Variants in PADI3 observed in about 807,000 individuals in gnomAD.
PADI3 encodes the protein peptidyl arginine deiminase 3, also known as protein-arginine deiminase type-3.
A neutral mutation model predicts 71.5 loss-of-function variants in PADI3; 53 were observed. The observed-to-expected ratio is 0.74, with a 90% CI of 0.59 to 0.93. The LOEUF is 0.93. Among genes scored for constraint, PADI3 ranks in the 40% least tolerant of loss-of-function variants. The probability of loss-of-function intolerance (pLI) is 0.00; values close to 1 mark genes in which losing one functional copy is unlikely to be tolerated. For synonymous variants in PADI3, 361 were observed against 347.5 expected, an observed-to-expected ratio of 1.04 and a Z score of -0.43; for missense variants, 821 against 868.0, an observed-to-expected ratio of 0.95 and a Z score of 0.68.
At chr1:17,267,367 C>T (rs1368680582) in intron 5 of PADI3, among the ~76,000 whole-genome samples, 1 of 152,192 alleles carries the variant, frequency 6.6e-6, no homozygotes, top group East Asian at 1.9e-4. Context: ...ATTCCAGCCC[C>T]ATGGAGAATG....
In PADI3 at chr1:17,265,690, G is replaced by T. The variant is rs12032160; in HGVS notation, c.378G>T (p.Glu126Asp). Residue 126 changes from glutamate to aspartate, a missense_variant, in exon 4 of 16, where the codon GAG (glutamate) becomes GAT (aspartate). By Grantham distance (45) the Glu-to-Asp change is conservative. Coordinates refer to ENST00000375460, the MANE Select transcript of PADI3 (RefSeq NM_016233.2). ...DISLDCDLNC[E>D]GRQDRNFVDK... ...CTCTGGATTGCGACCTGAACTGTGA[G>T]GGAAGGCAGGACAGGAACTTTGTAG... The T allele has an allele frequency of 1.2e-6, 2 of 1,614,192 alleles. No individual in the cohort carries two copies. Among genetic ancestry groups the T allele is most frequent in the South Asian group, 2.2e-5 (2 of 91,084 alleles).
chr1:17,276,540 C>A lies in PADI3; in HGVS notation c.1329C>A (p.Thr443=). 6.2e-7 allele frequency: 1 copy of A among 1,614,084 alleles called. No homozygotes were observed. Among genetic ancestry groups the A allele is most frequent in the Non-Finnish European group, 8.5e-7 (1 of 1,180,016 alleles). ...NLPGSSGRRV[T]QVVRDFLHAQ... is the part of the protein sequence containing the mutation. Reference sequence around the variant, plus strand: ...CCAGGTCAAGTGGCCGCAGGGTCACCCAGGTGGTGCGGGACTTCCTCCATG... The same window carrying A: ...CCAGGTCAAGTGGCCGCAGGGTCACACAGGTGGTGCGGGACTTCCTCCATG... The change falls in exon 12 of 16, where the codon ACC becomes ACA. Residue 443 remains threonine (T), a synonymous_variant. Coordinates refer to ENST00000375460, the MANE Select transcript of PADI3 (RefSeq NM_016233.2).
Position 17,283,523 on chromosome 1 carries a change from C to A in PADI3, c.*444C>A. On this transcript the variant is annotated 3_prime_UTR_variant, in exon 16 of 16. Coordinates refer to ENST00000375460, the MANE Select transcript of PADI3 (RefSeq NM_016233.2). ...CTCTGCAGAGGAACAACCCTAAAACCAGACCACTCCACGCAGGACAGGCAG... is the reference window on the plus strand; with the variant it reads ...CTCTGCAGAGGAACAACCCTAAAACAAGACCACTCCACGCAGGACAGGCAG... 6.1e-6 allele frequency: 1 copy of A among 163,576 alleles called. No individual in the cohort carries two copies. Among genetic ancestry groups the A allele is most frequent in the Non-Finnish European group, 1.3e-5 (1 of 74,890 alleles). The allele number at this position is 163,576 out of a possible 1,614,324, so 10.1% of individuals were successfully genotyped here.
chr1:17,265,753 A>G (rs2073160116), intron 4 of PADI3, 33 bp downstream of exon 4: 1 of 1,596,272 alleles, frequency 6.3e-7, no homozygotes, highest in Non-Finnish European at 8.6e-7. Context: ...AGGAAGCAGG[A>G]GTGCAGTTGG....
chr1:17,281,770 C>A (rs2073403605), intron 15 of PADI3, among the ~76,000 whole-genome samples: 1 of 152,176 alleles, frequency 6.6e-6, no homozygotes, highest in African/African-American at 2.4e-5. Context: ...AAATCTTGAG[C>A]TTGCCTTTGA....
At chr1:17,250,770 C>T (rs547682243) in intron 1 of PADI3, among the ~76,000 whole-genome samples, 2 of 152,342 alleles carry the variant, frequency 1.3e-5, no homozygotes, top group South Asian at 4.1e-4. Flanking sequence ...GGGTGACTCA[C>T]CTGCCCCTGC....
chr1:17,265,766 C>A, intron 4 of PADI3, 46 bp downstream of exon 4: 1 of 1,561,922 alleles, frequency 6.4e-7, no homozygotes, highest in Non-Finnish European at 8.8e-7. Context: ...GCAGTTGGAG[C>A]TTGCTCTAGG....
chr1:17,279,535 C>T (rs1040919907), intron 13 of PADI3, among the ~76,000 whole-genome samples: 1 of 152,142 alleles, frequency 6.6e-6, no homozygotes, highest in African/African-American at 2.4e-5. Context: ...TTCCCTTGGT[C>T]AAGGCTTGAG....
At chr1:17,271,711 G>T (rs1224618046) in intron 9 of PADI3, among the ~76,000 whole-genome samples, 1 of 151,866 alleles carries the variant, frequency 6.6e-6, no homozygotes, top group Non-Finnish European at 1.5e-5. Flanking sequence ...AGCAGGGCAT[G>T]GTGGCGTGTG....
At chr1:17,270,500 T>C (rs1017910950) in intron 7 of PADI3, 89 bp downstream of exon 7, 123 of 937,608 alleles carry the variant, frequency 1.3e-4, no homozygotes, top group Non-Finnish European at 1.8e-4. Flanking sequence ...AAAAAAAAAA[T>C]AGCGAGGTAT....
At chr1:17,279,590 C>T (rs2073376231) in intron 13 of PADI3, among the ~76,000 whole-genome samples, 1 of 152,192 alleles carries the variant, frequency 6.6e-6, no homozygotes, top group Non-Finnish European at 1.5e-5. Context: ...CAAGCCCCCA[C>T]ATATCCTACC....
chr1:17,249,166 C>T lies in PADI3; in HGVS notation c.29C>T (p.Ser10Phe). MSLQRIVRV[S>F]LEHPTSAVCV... ...TCGCTGCAGAGAATCGTGCGTGTGT[C>T]CCTGGAGCATCCCACCAGCGCGGTG... The change falls in exon 1 of 16, where the codon TCC (serine) becomes TTC (phenylalanine). Residue 10 changes from serine (S) to phenylalanine (F), a missense_variant. Transcript: ENST00000375460. The T allele has an allele frequency of 1.2e-6, 2 of 1,614,174 alleles. No homozygotes were observed. Among genetic ancestry groups the T allele is most frequent in the South Asian group, 1.1e-5 (1 of 91,086 alleles).
chr1:17,270,538 CT>C, intron 7 of PADI3, 127 bp downstream of exon 7: 1 of 913,622 alleles, frequency 1.1e-6, no homozygotes, highest in Non-Finnish European at 1.6e-6. Context: ...GTCCCAGTTA[CT>C]TGGGAGGCTG....
rs753431780 is a variant in PADI3, at chr1:17,259,754, G to C, written c.269G>C (p.Ser90Thr). ...TCCCCCAGCAATGACCTCAACGACA[G>C]CCATGTGAGCTGGTCCCTGGTGGGG... The part of the protein sequence containing the change: ...MNSPSNDLND[S>T]HVQISYHSSH... Residue 90 changes from serine to threonine, a missense_variant, in exon 2 of 16, where the codon AGC becomes ACC. Physicochemically the swap from Ser to Thr is moderately conservative, Grantham distance 58 (BLOSUM62 1). Coordinates refer to ENST00000375460, the MANE Select transcript of PADI3 (RefSeq NM_016233.2). The C allele has an allele frequency of 1.9e-6, 3 of 1,599,708 alleles. No homozygotes were observed. The East Asian group carries it at 6.7e-5, about 36-fold the overall frequency.
chr1:17,254,345 G>A (rs1225850522), intron 1 of PADI3, among the ~76,000 whole-genome samples: 3 of 152,140 alleles, frequency 2.0e-5, no homozygotes, highest in African/African-American at 7.2e-5. Flanking sequence ...TCGGTGTTCA[G>A]CCATGGGGAA....
At chr1:17,279,368 C>T (rs879414408) in intron 13 of PADI3, among the ~76,000 whole-genome samples, 1 of 152,158 alleles carries the variant, frequency 6.6e-6, no homozygotes, top group Non-Finnish European at 1.5e-5. Flanking sequence ...TCTCACCCAC[C>T]TTTATTCCCA....
chr1:17,264,164 C>T (rs1434469592), intron 3 of PADI3, among the ~76,000 whole-genome samples: 7 of 152,172 alleles, frequency 4.6e-5, no homozygotes, highest in African/African-American at 9.7e-5. Context: ...TTTTGCCAAT[C>T]AGTTGGCATT....
chr1:17,250,160 G>C (rs191917116), intron 1 of PADI3, among the ~76,000 whole-genome samples: 6 of 152,278 alleles, frequency 3.9e-5, no homozygotes, highest in Admixed American at 3.9e-4. Flanking sequence ...GTCCTGGCTT[G>C]GAGGTAATCA....
chr1:17,270,338 G>C lies in PADI3; in HGVS notation c.758G>C (p.Gly253Ala), dbSNP rs374284289. 45 of 1,613,896 alleles carry C rather than the reference G, an allele frequency of 2.8e-5. No homozygotes were observed. The highest frequency in any genetic ancestry group is 3.7e-5 in the Non-Finnish European group (44 of 1,180,006). The change falls in exon 7 of 16, where the codon GGC becomes GCC. Residue 253 changes from glycine to alanine, a missense_variant. Transcript: ENST00000375460. ...HGDEERFFVE[G>A]LSFPDAGFTG... ...GATGAGGAGCGCTTCTTCGTGGAAGGCCTGTCCTTCCCTGATGCCGGCTTC... is the reference window on the plus strand; with the variant it reads ...GATGAGGAGCGCTTCTTCGTGGAAGCCCTGTCCTTCCCTGATGCCGGCTTC...
Sources: gnomAD v4.1 joint callset for allele counts (sites outside exome capture counted in the v4.1 genomes callset) on GRCh38, gnomAD v4.1.1 for gene constraint, MANE v1.5 for transcripts, NCBI Gene and HGNC (gene_info 2026-07-23, HGNC 2026-07-21) for gene names.